TRAK1: variants seen among roughly 807,000 people sequenced by gnomAD.
The protein encoded by TRAK1 is trafficking kinesin protein 1, also known as trafficking kinesin-binding protein 1.
In TRAK1, 33 loss-of-function variants were observed where a neutral mutation model predicts 92.1. That is an observed-to-expected ratio of 0.36 (90% CI 0.27 to 0.48). TRAK1 has a LOEUF of 0.48. TRAK1 is among the 20% of genes least tolerant of loss of function. The pLI is 0.99. For synonymous variants in TRAK1, 521 were observed against 517.3 expected, an observed-to-expected ratio of 1.01 and a Z score of -0.10; for missense variants, 1,123 against 1,257.9, an observed-to-expected ratio of 0.89 and a Z score of 1.62.
At chr3:42,063,239 C>T (rs1230820152) in intron 1 of TRAK1, among the ~76,000 whole-genome samples, 1 of 152,258 alleles carries the variant, frequency 6.6e-6, no homozygotes, top group Non-Finnish European at 1.5e-5. Context: ...GCCCTCAAGG[C>T]CTGAAATAGT....
rs1430789228 is a variant in TRAK1 at position 42,202,599 on chromosome 3, GGCGA to G, written c.1594_1597del (p.Glu532CysfsTer45). The G allele has an allele frequency of 6.3e-7, 1 of 1,593,044 alleles. No individual in the cohort carries two copies. Among genetic ancestry groups the G allele is most frequent in the Non-Finnish European group, 8.6e-7 (1 of 1,164,010 alleles). The stretch of plus-strand genomic sequence containing the variant: ...GAAGCTCCAGGAGCTGGCGGAGAAG[GGCGA>G]GCTGCGCAGCGGCTCCCTCACACCC... On this transcript the variant is annotated frameshift_variant, in exon 13 of 16. Transcript: ENST00000327628. LOFTEE classifies it high-confidence loss of function. The surrounding 1 kb of genome is among the most constrained non-coding windows in gnomAD (Gnocchi z 6.1).
At chr3:42,208,768 G>A (rs1186810072) in intron 13 of TRAK1, among the ~76,000 whole-genome samples, 1 of 152,198 alleles carries the variant, frequency 6.6e-6, no homozygotes, top group African/African-American at 2.4e-5. Context: ...CTGTAGAATG[G>A]GGCTAGCCCT....
At chr3:42,194,710 A>G in intron 9 of TRAK1, 94 bp from the exon 10 acceptor site, 2 of 1,476,422 alleles carry the variant, frequency 1.4e-6, no homozygotes, top group Non-Finnish European at 1.8e-6. Flanking sequence ...GGGGACTCTT[A>G]GATTGCTGTG....
At chr3:42,056,383 G>T (rs1456330911) in intron 1 of TRAK1, among the ~76,000 whole-genome samples, 4 of 152,084 alleles carry the variant, frequency 2.6e-5, no homozygotes, top group Non-Finnish European at 5.9e-5. Context: ...AATCCTTGTG[G>T]GTATGAAGTG....
intron 1 of TRAK1, among the ~76,000 whole-genome samples, chr3:42,033,319 C>T (rs890904171): frequency 3.9e-5 from 6 of 152,058 alleles, no homozygotes; most frequent in African/African-American, 7.2e-5. Context: ...TGTGGTGGGG[C>T]GGAGCGGCTT....
chr3:42,184,717 C>G lies in TRAK1; in HGVS notation c.396C>G (p.Ile132Met). 2 of 1,614,114 alleles carry G rather than the reference C, an allele frequency of 1.2e-6. No individual in the cohort carries two copies. The highest frequency in any genetic ancestry group is 1.7e-6 in the Non-Finnish European group (2 of 1,180,008). Residue 132 changes from isoleucine to methionine, a missense_variant, in exon 4 of 16, where the codon ATC becomes ATG. Coordinates refer to ENST00000327628, the MANE Select transcript of TRAK1 (RefSeq NM_001042646.3). Reference protein sequence around the residue: ...KERDLELAARIGQSLLKKNKT... With the variant: ...KERDLELAARMGQSLLKKNKT... Reference sequence around the variant, plus strand: ...GGGATTTAGAATTGGCCGCTCGCATCGGCCAGTCGTTGTTGAAGAAGAACA... The same window carrying G: ...GGGATTTAGAATTGGCCGCTCGCATGGGCCAGTCGTTGTTGAAGAAGAACA...
intron 2 of TRAK1, among the ~76,000 whole-genome samples, chr3:42,167,054 C>G (rs943553720): frequency 1.9e-4 from 29 of 152,188 alleles, no homozygotes; most frequent in African/African-American, 7.0e-4. Context: ...TAGTCCTAGG[C>G]CAGAAGCAAA....
intron 1 of TRAK1, among the ~76,000 whole-genome samples, chr3:42,024,556 A>G (rs1701847463): frequency 6.6e-6 from 1 of 152,256 alleles, no homozygotes; most frequent in South Asian, 2.1e-4. Flanking sequence ...GTCAAGGGTT[A>G]CATAACTTAT....
intron 2 of TRAK1, among the ~76,000 whole-genome samples, chr3:42,131,139 CG>C (rs1697144863): frequency 6.6e-6 from 1 of 152,122 alleles, no homozygotes; most frequent in African/African-American, 2.4e-5. Context: ...CATGAGGACC[CG>C]GAGTATCTGG....
At chr3:42,197,999 C>T (rs1232943245) in intron 10 of TRAK1, among the ~76,000 whole-genome samples, 1 of 152,224 alleles carries the variant, frequency 6.6e-6, no homozygotes, top group Non-Finnish European at 1.5e-5. Context: ...CCACCCCTGG[C>T]TGGTGGTTTC....
intron 10 of TRAK1, 56 bp from the exon 11 acceptor site, chr3:42,199,121 A>G: frequency 6.2e-7 from 1 of 1,600,470 alleles, no homozygotes; most frequent in Non-Finnish European, 8.5e-7. Context: ...CCTCTTTTAG[A>G]GACAGAGCAT....
chr3:42,196,407 A>C (rs1308980189), intron 10 of TRAK1, among the ~76,000 whole-genome samples: 1 of 152,168 alleles, frequency 6.6e-6, no homozygotes, highest in Non-Finnish European at 1.5e-5. Flanking sequence ...CTGTGAAATT[A>C]GTTCCTAATT....
chr3:42,153,358 C>G (rs926860059), intron 2 of TRAK1, among the ~76,000 whole-genome samples: 1 of 151,938 alleles, frequency 6.6e-6, no homozygotes, highest in African/African-American at 2.4e-5. Flanking sequence ...AATTATGCCA[C>G]TGTACTCCAG....
intron 2 of TRAK1, among the ~76,000 whole-genome samples, chr3:42,153,802 G>A (rs945594208): frequency 1.3e-5 from 2 of 152,030 alleles, no homozygotes; most frequent in African/African-American, 2.4e-5. Context: ...AGCATTAATT[G>A]AAAAGCTGCA....
upstream of TRAK1, among the ~76,000 whole-genome samples, chr3:42,084,698 G>T (rs530329966): frequency 1.8e-4 from 28 of 152,258 alleles, no homozygotes; most frequent in South Asian, 2.7e-3. Context: ...CTGCTGTCTA[G>T]AATGTTCTGG....
At chr3:42,059,592 A>G (rs1399133244) in intron 1 of TRAK1, among the ~76,000 whole-genome samples, 1 of 152,174 alleles carries the variant, frequency 6.6e-6, no homozygotes, top group Non-Finnish European at 1.5e-5. Flanking sequence ...CTACAAGAAT[A>G]TACGTGACAG....
intron 1 of TRAK1, among the ~76,000 whole-genome samples, chr3:42,121,525 C>T (rs1335223411): frequency 6.6e-6 from 1 of 152,076 alleles, no homozygotes. Flanking sequence ...TCCCAAAGTG[C>T]TGGGATTACA....
At chr3:42,176,575 C>G (rs1703241744) in intron 2 of TRAK1, among the ~76,000 whole-genome samples, 2 of 152,188 alleles carry the variant, frequency 1.3e-5, no homozygotes, top group Non-Finnish European at 2.9e-5. Flanking sequence ...CACACAGACA[C>G]ACAATGTCAA....
intron 2 of TRAK1, among the ~76,000 whole-genome samples, chr3:42,154,253 A>G (rs1700284285): frequency 6.7e-6 from 1 of 149,452 alleles, no homozygotes; most frequent in Non-Finnish European, 1.5e-5. Flanking sequence ...GCTCACTGCA[A>G]TGTCTGCCTC....
Sources: allele counts gnomAD v4.1 joint callset (sites outside exome capture counted in the v4.1 genomes callset), GRCh38; gene constraint gnomAD v4.1.1; non-coding constraint Gnocchi (gnomAD v3.1); transcripts MANE v1.5; gene names NCBI Gene and HGNC (gene_info 2026-07-23, HGNC 2026-07-21).